Variants in CLASP2 observed in about 807,000 individuals in gnomAD.
CLASP2 encodes cytoplasmic linker associated protein 2.
In CLASP2, 47 loss-of-function variants were observed where a neutral mutation model predicts 194.4. The ratio of observed to expected loss-of-function variants is 0.24; its 90% confidence interval spans 0.19 to 0.31. The LOEUF is 0.31. Ranked by LOEUF, CLASP2 falls within the 10% of genes least tolerant of loss-of-function variation. CLASP2 has a pLI of 1.00. For missense variants in CLASP2, 1,445 were observed against 1,823.6 expected, an observed-to-expected ratio of 0.79 and a Z score of 3.78; for synonymous variants, 619 against 633.5, an observed-to-expected ratio of 0.98 and a Z score of 0.34.
intron 6 of CLASP2, among the ~76,000 whole-genome samples, chr3:33,673,032 A>G (rs9870976): frequency 6.6e-6 from 1 of 151,940 alleles, no homozygotes; most frequent in Non-Finnish European, 1.5e-5. Flanking sequence ...GATATTATCC[A>G]GGAGAACTTC....
chr3:33,645,966 AC>A (rs2082210905), intron 7 of CLASP2, among the ~76,000 whole-genome samples: 6 of 150,574 alleles, frequency 4.0e-5, no homozygotes, highest in Admixed American at 3.3e-4. Context: ...ACACACACAC[AC>A]ACACACACAA....
In CLASP2 at chr3:33,582,812, AAAT is replaced by A. The variant is rs200833344; in HGVS notation, c.2240-887_2240-885del. Among the ~76,000 whole-genome samples, 53 of 152,376 alleles carry A rather than the reference AAAT, an allele frequency of 3.5e-4. No homozygotes were observed. In the East Asian group the frequency reaches 0.01, roughly 29 times the overall value. ...GACTAAAGGTGGAGTAGAGAATTTA[AAAT>A]AATGTCTGGAAAACAAAAAGAAGTG... On this transcript the variant is annotated intron_variant, in intron 22 of 38. Coordinates refer to ENST00000682230, the MANE Select transcript of CLASP2 (RefSeq NM_001365631.1).
chr3:33,539,918 AT>A (rs59070086), intron 32 of CLASP2, among the ~76,000 whole-genome samples: 128,242 of 135,334 alleles, frequency 0.95, 60,876 homozygotes, highest in East Asian at 0.99. Flanking sequence ...ACTGAATATA[AT>A]TTTTTTTTTT....
chr3:33,587,196 G>C (rs1438451543), intron 21 of CLASP2, among the ~76,000 whole-genome samples: 1 of 151,784 alleles, frequency 6.6e-6, no homozygotes, highest in Admixed American at 6.6e-5. Flanking sequence ...TGTGATCTTG[G>C]CTCACTGCAC....
At chr3:33,696,353 C>CATT (rs1413385570) in intron 2 of CLASP2, among the ~76,000 whole-genome samples, 1 of 52,728 alleles carries the variant, frequency 1.9e-5, no homozygotes, top group African/African-American at 7.8e-5. Context: ...TTCTTTCTTT[C>CATT]TTTTTTTTTT....
At chr3:33,584,655 C>A in intron 22 of CLASP2, 95 bp downstream of exon 22, 2 of 1,107,740 alleles carry the variant, frequency 1.8e-6, no homozygotes. Flanking sequence ...ATTTGTAAGT[C>A]CTAATTGTAT....
At chr3:33,603,871 A>C (rs59935710) in intron 17 of CLASP2, among the ~76,000 whole-genome samples, 9,878 of 152,168 alleles carry the variant, frequency 0.065, 1,009 homozygotes, top group African/African-American at 0.22. Context: ...GTTATGACCC[A>C]TTAATAGGTT....
Position 33,517,128 on chromosome 3 carries a change from C to G in CLASP2, c.3834G>C (p.Glu1278Asp). 1 of 1,613,410 alleles carries G rather than the reference C, an allele frequency of 6.2e-7. No individual in the cohort carries two copies. Among genetic ancestry groups the G allele is most frequent in the Non-Finnish European group, 8.5e-7 (1 of 1,179,714 alleles). Residue 1278 changes from glutamate (E) to aspartate (D), a missense_variant, in exon 35 of 39, where the codon GAG becomes GAC. Transcript: ENST00000682230. ...HSDLVAELLKELSNHNERVEE... is the reference protein window; with the variant it reads ...HSDLVAELLKDLSNHNERVEE... ...CTACACGCTCATTATGGTTAGACAG[C>G]TCCTTCAACAACTCTGCAACTAGGT...
chr3:33,628,521 T>C (rs1050494048), intron 9 of CLASP2, among the ~76,000 whole-genome samples: 1 of 152,170 alleles, frequency 6.6e-6, no homozygotes, highest in Non-Finnish European at 1.5e-5. Flanking sequence ...TAGGTGTCTG[T>C]TGCAGTAGAG....
At position 33,576,172 on chromosome 3, in the gene CLASP2, G is replaced by A; in HGVS notation, c.2451C>T (p.Ala817=). The part of the protein sequence containing the change: ...GSDVEEAVAD[A]LKKPARRRYE... ...ATAAGAAAATGGAGAAGAGTACCAA[G>A]GCATCTGCCACCGCCTCCTCCACAT... The change falls in exon 24 of 39, where the codon GCC becomes GCT. Residue 817 remains alanine, a synonymous_variant. Transcript: ENST00000682230. 6.2e-7 allele frequency: 1 copy of A among 1,611,918 alleles called. No individual in the cohort carries two copies. Among genetic ancestry groups the A allele is most frequent in the Non-Finnish European group, 8.5e-7 (1 of 1,178,086 alleles).
chr3:33,638,632 C>A, intron 8 of CLASP2, among the ~76,000 whole-genome samples: 1 of 152,112 alleles, frequency 6.6e-6, no homozygotes, highest in Non-Finnish European at 1.5e-5. Flanking sequence ...GTAAGAAACA[C>A]ATAAACTGGT....
intron 26 of CLASP2, among the ~76,000 whole-genome samples, chr3:33,568,214 G>C (rs142019744): frequency 6.8e-4 from 104 of 152,102 alleles, no homozygotes; most frequent in African/African-American, 2.5e-3. Flanking sequence ...TTTAAAAAAT[G>C]ACTTTAAAAG....
intron 24 of CLASP2, among the ~76,000 whole-genome samples, chr3:33,574,925 T>C (rs1364023544): frequency 6.6e-6 from 1 of 152,174 alleles, no homozygotes; most frequent in African/African-American, 2.4e-5. Flanking sequence ...AGTCAAACTT[T>C]AGCCTTGGTA....
intron 12 of CLASP2, among the ~76,000 whole-genome samples, chr3:33,617,973 A>C (rs1323462972): frequency 1.4e-5 from 2 of 142,762 alleles, no homozygotes; most frequent in African/African-American, 5.2e-5. Flanking sequence ...TTTGAGATGG[A>C]GTTTCACTCT....
Position 33,538,935 on chromosome 3 carries a change from C to G in CLASP2, c.3412G>C (p.Asp1138His). 1 of 1,564,764 alleles carries G rather than the reference C, an allele frequency of 6.4e-7. No individual in the cohort carries two copies. Among genetic ancestry groups the G allele is most frequent in the South Asian group, 1.2e-5 (1 of 80,862 alleles). ...GAGTTCATATTTTCTGTGTCATAATCAAATGCACTATGAAAAAGACGACAC... is the reference window on the plus strand; with the variant it reads ...GAGTTCATATTTTCTGTGTCATAATGAAATGCACTATGAAAAAGACGACAC... ...SQNTLSPSAF[D>H]YDTENMNSED... Residue 1138 changes from aspartate to histidine, a missense_variant, in exon 33 of 39, where the codon GAT (aspartate) becomes CAT (histidine). This residue lies in a region of CLASP2 where 732 missense variants were observed against 987.9 expected (regional missense o/e 0.74). Coordinates refer to ENST00000682230, the MANE Select transcript of CLASP2 (RefSeq NM_001365631.1).
intron 34 of CLASP2, among the ~76,000 whole-genome samples, chr3:33,522,550 G>A (rs146015312): frequency 3.2e-4 from 48 of 152,266 alleles, no homozygotes; most frequent in African/African-American, 1.1e-3. Context: ...AGCATACTCA[G>A]AGAAAAAATA....
intron 11 of CLASP2, among the ~76,000 whole-genome samples, chr3:33,620,486 C>G (rs2076931267): frequency 6.6e-6 from 1 of 152,116 alleles, no homozygotes; most frequent in South Asian, 2.1e-4. Flanking sequence ...AGAGTTAGCT[C>G]CAATAATTCA....
chr3:33,594,743 C>T (rs1347460254), intron 20 of CLASP2, among the ~76,000 whole-genome samples: 1 of 146,776 alleles, frequency 6.8e-6, no homozygotes, highest in South Asian at 2.2e-4. Flanking sequence ...ATCCAAAGTA[C>T]AAAGCAAACC....
intron 37 of CLASP2, chr3:33,504,741 A>AT (rs2047682725): frequency 6.6e-6 from 1 of 152,246 alleles, no homozygotes; most frequent in South Asian, 2.1e-4. Flanking sequence ...TTAGATTCTC[A>AT]TAAGAAGCAT....
Sources: allele counts gnomAD v4.1 joint callset (sites outside exome capture counted in the v4.1 genomes callset), GRCh38; gene constraint gnomAD v4.1.1; regional missense constraint gnomAD v4.1.1; transcripts MANE v1.5; gene names NCBI Gene and HGNC (gene_info 2026-07-23, HGNC 2026-07-21).